Variants in R3HCC1 observed in about 807,000 individuals in gnomAD.
The protein encoded by R3HCC1 is R3H domain and coiled-coil containing 1.
Under a neutral mutation model 40.0 loss-of-function variants are expected in R3HCC1, and 32 were observed. The observed-to-expected ratio is 0.80, with a 90% CI of 0.60 to 1.07. The LOEUF (loss-of-function observed/expected upper bound fraction) is 1.07. Among genes scored for constraint, R3HCC1 ranks in the 50% least tolerant of loss-of-function variants. The probability of loss-of-function intolerance (pLI) is 0.00; values close to 1 mark genes in which losing one functional copy is unlikely to be tolerated. For synonymous variants in R3HCC1, 237 were observed against 232.8 expected (o/e 1.02, Z -0.17); for missense variants, 586 against 563.3 (o/e 1.04, Z -0.41).
chr8:23,289,766 G>T, intron 3 of R3HCC1, 100 bp from the exon 4 acceptor site: 1 of 1,420,678 alleles, frequency 7.0e-7, no homozygotes. Flanking sequence ...TTTGCCTAAT[G>T]CTGACCCGAA....
At chr8:23,289,185 G>T in intron 3 of R3HCC1, 32 bp downstream of exon 3, 1 of 1,533,766 alleles carries the variant, frequency 6.5e-7, no homozygotes. Context: ...AGTGCCTGCA[G>T]CGGTGGTGTG....
rs1051804607 is a variant in R3HCC1 at position 23,296,066 on chromosome 8, G to C, written c.1292G>C (p.Arg431Pro). The C allele has an allele frequency of 6.4e-7, 1 of 1,550,480 alleles. No individual in the cohort carries two copies. The highest frequency in any genetic ancestry group is 2.4e-5 in the East Asian group (1 of 40,920). Residue 431 changes from arginine to proline, a missense_variant, in exon 8 of 8, where the codon CGG (arginine) becomes CCG (proline). Coordinates refer to ENST00000265806, the MANE Select transcript of R3HCC1 (RefSeq NM_001136108.3). ...GGACTCCAACACAAAAAGAAAGAGC[G>C]GCCTGCTGTCCGGGGTCCGCTGCCG...
chr8:23,289,850 C>G lies in R3HCC1; in HGVS notation c.249-16C>G. ...CCCCTACACACTCTGATTACCTCCT[C>G]CCATTCCTGCTCCAGGGTACCCAGT... On this transcript the variant is annotated splice_polypyrimidine_tract_variant and intron_variant, in intron 3 of 7. Transcript: ENST00000265806. The G allele has an allele frequency of 6.7e-7, 1 of 1,488,622 alleles. No homozygotes were observed. The highest frequency in any genetic ancestry group is 1.3e-5 in the South Asian group (1 of 76,192). 92.2% of individuals were successfully genotyped at this position (1,488,622 alleles called of 1,614,324 possible).
chr8:23,291,438 G>C lies in R3HCC1; in HGVS notation c.930G>C (p.Leu310=). ...ACACATCCTCCTTCGTGGAGGAGCT[G>C]CCTGGAGAGAAGGACCTTGCCCACG... The change falls in exon 5 of 8, where the codon CTG becomes CTC. Residue 310 remains leucine, a synonymous_variant. Coordinates refer to ENST00000265806, the MANE Select transcript of R3HCC1 (RefSeq NM_001136108.3). 1 of 1,551,690 alleles carries C rather than the reference G, an allele frequency of 6.4e-7. No homozygotes were observed. Among genetic ancestry groups the C allele is most frequent in the Non-Finnish European group, 8.7e-7 (1 of 1,146,920 alleles).
At chr8:23,288,348 C>T (rs1802785939) in intron 1 of R3HCC1, 158 bp from the exon 2 acceptor site, 2 of 1,184,716 alleles carry the variant, frequency 1.7e-6, no homozygotes, top group Non-Finnish European at 2.3e-6. Flanking sequence ...AGACCCCTTC[C>T]CTGACCCCTG....
chr8:23,294,366 G>C (rs1219222383), intron 6 of R3HCC1, among the ~76,000 whole-genome samples: 2 of 152,224 alleles, frequency 1.3e-5, no homozygotes, highest in African/African-American at 4.8e-5. Flanking sequence ...TCTGTAAATA[G>C]TCGGGGTGCT....
At chr8:23,291,218 G>A in intron 4 of R3HCC1, 143 bp from the exon 5 acceptor site, 1 of 1,238,096 alleles carries the variant, frequency 8.1e-7, no homozygotes, top group South Asian at 1.6e-5. Context: ...TCTTGACCTT[G>A]CAGCCCAGTC....
At chr8:23,295,139 A>C (rs887223941) in intron 7 of R3HCC1, among the ~76,000 whole-genome samples, 2 of 152,006 alleles carry the variant, frequency 1.3e-5, no homozygotes, top group African/African-American at 2.4e-5. Context: ...TCTCCTGCTC[A>C]TACCCTCTTC....
chr8:23,291,637 A>G, intron 5 of R3HCC1, 104 bp downstream of exon 5: 11 of 1,484,312 alleles, frequency 7.4e-6, no homozygotes, highest in Non-Finnish European at 9.9e-6. Context: ...ATGCTTCAGC[A>G]AGAGAGACAG....
Position 23,288,578 on chromosome 8 carries a change from G to A in R3HCC1, c.55G>A (p.Val19Ile), listed in dbSNP as rs933209840. Residue 19 changes from valine (V) to isoleucine (I), a missense_variant, in exon 2 of 8, where the codon GTC (valine) becomes ATC (isoleucine). Val to Ile is a conservative substitution (Grantham distance 29). Coordinates refer to ENST00000265806, the MANE Select transcript of R3HCC1 (RefSeq NM_001136108.3). ...CCTCTCCTCAGCCGAGAATGACTTC[G>A]TCCACCGGATCCAGGAGGAACTGGA... The A allele has an allele frequency of 6.5e-6, 10 of 1,535,860 alleles. No homozygotes were observed. The African/African-American group carries it at 1.2e-4, about 19-fold the overall frequency.
chr8:23,294,822 C>G lies in R3HCC1; in HGVS notation c.1150C>G (p.Gln384Glu), dbSNP rs1187708918. The stretch of plus-strand genomic sequence containing the variant: ...GGTGCTCAAGATCCGGCCCCTCACA[C>G]AGGGAACCAAGCAGTCAAAGCTCAA... Residue 384 changes from glutamine (Q) to glutamate (E), a missense_variant, in exon 7 of 8, where the codon CAG becomes GAG. Gln to Glu is a conservative substitution (Grantham distance 29). Transcript: ENST00000265806. The G allele has an allele frequency of 6.4e-7, 1 of 1,551,416 alleles. No homozygotes were observed. Among genetic ancestry groups the G allele is most frequent in the Non-Finnish European group, 8.7e-7 (1 of 1,146,926 alleles).
chr8:23,294,543 G>A lies in R3HCC1; in HGVS notation c.1097-226G>A, dbSNP rs533143517. On this transcript the variant is annotated intron_variant, in intron 6 of 7. Coordinates refer to ENST00000265806, the MANE Select transcript of R3HCC1 (RefSeq NM_001136108.3). ...CAGTGCTCTCCCTGACCAGCCTGGG[G>A]TGGGAGTGTCCTCTGAGCGCAGGTG... is the stretch of plus-strand genomic sequence containing the variant. Among the ~76,000 whole-genome samples the A allele has an allele frequency of 3.8e-3, 584 of 152,346 alleles. 3 individuals are homozygous for A. The highest frequency in any genetic ancestry group is 0.013 in the African/African-American group (547 of 41,586).
intron 5 of R3HCC1, among the ~76,000 whole-genome samples, chr8:23,292,775 A>G (rs930148651): frequency 3.9e-5 from 6 of 152,352 alleles, no homozygotes; most frequent in Non-Finnish European, 7.3e-5. Flanking sequence ...TTGATGGTGC[A>G]GCCAGGCTGG....
intron 7 of R3HCC1, 200 bp from the exon 8 acceptor site, chr8:23,295,767 C>G: frequency 1.4e-6 from 1 of 723,884 alleles, no homozygotes; most frequent in Non-Finnish European, 2.2e-6. Flanking sequence ...AAGTTTGGGT[C>G]AGCATCCCCT....
At chr8:23,295,925 C>T (rs369282855) in intron 7 of R3HCC1, 42 bp from the exon 8 acceptor site, 74 of 1,516,606 alleles carry the variant, frequency 4.9e-5, no homozygotes, top group South Asian at 1.5e-4. Flanking sequence ...GAGGCAGCCA[C>T]GACCTTGTGT....
rs2272760 is a variant in R3HCC1, at chr8:23,291,465, G to T, written c.957G>T (p.Val319=). The T allele has an allele frequency of 0.25, 379,952 of 1,550,170 alleles. 50,512 individuals are homozygous for T. Among genetic ancestry groups the T allele is most frequent in the Middle Eastern group, 0.28 (1,685 of 5,954 alleles). ...CTGGAGAGAAGGACCTTGCCCACGT[G>T]GTAGAGATCTATGACTTTGAACCAG... The change falls in exon 5 of 8, where the codon GTG becomes GTT. Residue 319 remains valine, a synonymous_variant. Transcript: ENST00000265806.
intron 1 of R3HCC1, 51 bp from the exon 2 acceptor site, chr8:23,288,455 A>G: frequency 6.6e-7 from 1 of 1,523,904 alleles, no homozygotes; most frequent in African/African-American, 1.4e-5. Flanking sequence ...GGGTCGCGGG[A>G]GATCCGGGGG....
In R3HCC1 at chr8:23,294,879, T is replaced by C. The variant is rs760062361; in HGVS notation, c.1192+15T>C. 1.0e-5 allele frequency: 16 copies of C among 1,529,514 alleles called. No homozygotes were observed. Among genetic ancestry groups the C allele is most frequent in the Admixed American group, 3.9e-5 (2 of 50,942 alleles). 94.7% of individuals were successfully genotyped at this position (1,529,514 alleles called of 1,614,324 possible). A position where few individuals can be genotyped will look rare whatever the true frequency, so the allele number is the denominator to read the frequency against. On this transcript the variant is annotated intron_variant, in intron 7 of 7. Coordinates refer to ENST00000265806, the MANE Select transcript of R3HCC1 (RefSeq NM_001136108.3). ...GCAGAGGCCAAGTAAGGAAAGCGCATGTCCCTGAATAGGGAGGCTGTGTGT... is the reference window on the plus strand; with the variant it reads ...GCAGAGGCCAAGTAAGGAAAGCGCACGTCCCTGAATAGGGAGGCTGTGTGT...
intron 2 of R3HCC1, 146 bp downstream of exon 2, chr8:23,288,779 T>A (rs989716417): frequency 4.7e-5 from 52 of 1,115,990 alleles, no homozygotes; most frequent in Non-Finnish European, 6.0e-5. Flanking sequence ...CTCTTTTAGC[T>A]GCATCTTTGT....
Sources: allele counts gnomAD v4.1 joint callset (sites outside exome capture counted in the v4.1 genomes callset), GRCh38; gene constraint gnomAD v4.1.1; transcripts MANE v1.5; gene names NCBI Gene and HGNC (gene_info 2026-07-23, HGNC 2026-07-21).